The following CERKL variants were observed in gnomAD, a reference collection of about 807,000 sequenced individuals.
CERKL encodes CERK like autophagy regulator, also known as ceramide kinase-like protein.
Under a neutral mutation model 63.4 loss-of-function variants are expected in CERKL, and 61 were observed. The observed-to-expected ratio is 0.96, with a 90% CI of 0.78 to 1.19. The LOEUF (loss-of-function observed/expected upper bound fraction) is 1.19. Ranked by LOEUF, CERKL falls within the 50% of genes most tolerant of loss-of-function variation. CERKL has a pLI of 0.00. For synonymous variants in CERKL, 250 were observed against 230.5 expected, an observed-to-expected ratio of 1.08 and a Z score of -0.77; for missense variants, 675 against 655.5, an observed-to-expected ratio of 1.03 and a Z score of -0.33.
chr2:181,602,058 T>C (rs923352650), intron 2 of CERKL, among the ~76,000 whole-genome samples: 2 of 152,252 alleles, frequency 1.3e-5, no homozygotes, highest in East Asian at 1.9e-4. Flanking sequence ...TGAATAAATA[T>C]TTGGACATTG....
chr2:181,611,138 G>A (rs771461094), intron 1 of CERKL, among the ~76,000 whole-genome samples: 26 of 151,918 alleles, frequency 1.7e-4, no homozygotes, highest in Non-Finnish European at 3.1e-4. Context: ...CAGGAGAATC[G>A]CTTGAACCCA....
At chr2:181,551,459 A>G (rs1687984005) in intron 5 of CERKL, among the ~76,000 whole-genome samples, 1 of 152,136 alleles carries the variant, frequency 6.6e-6, no homozygotes, top group Non-Finnish European at 1.5e-5. Context: ...GAACTTAAAC[A>G]TATTTATAAG....
At chr2:181,630,424 T>C (rs956124515) in intron 1 of CERKL, among the ~76,000 whole-genome samples, 1 of 152,162 alleles carries the variant, frequency 6.6e-6, no homozygotes, top group African/African-American at 2.4e-5. Flanking sequence ...TGACTTGTGT[T>C]CCCCTAAAAT....
intron 1 of CERKL, among the ~76,000 whole-genome samples, chr2:181,635,550 C>T (rs998582159): frequency 1.3e-5 from 2 of 152,074 alleles, no homozygotes; most frequent in Non-Finnish European, 2.9e-5. Context: ...ACTGTCATCC[C>T]TTTACACCTT....
intron 1 of CERKL, among the ~76,000 whole-genome samples, chr2:181,646,244 T>G (rs138233951): frequency 1.3e-5 from 2 of 152,350 alleles, no homozygotes; most frequent in Admixed American, 1.3e-4. Flanking sequence ...GAATCCTGAC[T>G]TAGATAACAT....
In CERKL at chr2:181,587,367, T is replaced by C. The variant is rs554159875; in HGVS notation, c.482-13483A>G. Among the ~76,000 whole-genome samples the C allele has an allele frequency of 2.0e-5, 3 of 152,234 alleles. No homozygotes were observed. In the East Asian group the frequency reaches 5.8e-4, roughly 29 times the overall value. On this transcript the variant is annotated intron_variant, in intron 2 of 12. Transcript: ENST00000410087. ...GCTGCCGGAATAATCACCTCAATAC[T>C]TCAGAATTTAAATGATAAAAGAGCT... is the stretch of plus-strand genomic sequence containing the variant.
intron 12 of CERKL, 25 bp downstream of exon 12, chr2:181,539,067 T>G (rs1687356838): frequency 6.9e-7 from 1 of 1,458,968 alleles, no homozygotes; most frequent in Non-Finnish European, 9.6e-7. Flanking sequence ...TGGTTGACAA[T>G]AAGCGGTGAA....
chr2:181,641,491 C>T (rs904088959), intron 1 of CERKL, among the ~76,000 whole-genome samples: 3 of 151,904 alleles, frequency 2.0e-5, no homozygotes, highest in Admixed American at 2.0e-4. Flanking sequence ...GGCCAGCCCA[C>T]GAAATATGTT....
intron 2 of CERKL, among the ~76,000 whole-genome samples, chr2:181,586,861 T>C (rs1684790270): frequency 6.6e-6 from 1 of 152,170 alleles, no homozygotes; most frequent in Non-Finnish European, 1.5e-5. Flanking sequence ...ATGATGGAAA[T>C]GGCATGGTGT....
chr2:181,646,906 A>G lies in CERKL; in HGVS notation c.238+9863T>C, dbSNP rs566105634. Among the ~76,000 whole-genome samples, 6 of 152,314 alleles carry G rather than the reference A, an allele frequency of 3.9e-5. No homozygotes were observed. The South Asian group carries it at 1.2e-3, about 32-fold the overall frequency. The stretch of plus-strand genomic sequence containing the variant: ...TAATGGAGATGGTCAGAGTAAGCCA[A>G]TTTTTCTAGGAGATTATCAGAGCAA... On this transcript the variant is annotated intron_variant, in intron 1 of 12. Transcript: ENST00000410087.
intron 2 of CERKL, among the ~76,000 whole-genome samples, chr2:181,596,320 A>T (rs543544957): frequency 6.6e-6 from 1 of 152,194 alleles, no homozygotes; most frequent in African/African-American, 2.4e-5. Context: ...GACCAATTAC[A>T]TGTAAAAATA....
chr2:181,547,923 T>C, intron 8 of CERKL, 76 bp from the exon 9 acceptor site: 1 of 1,106,258 alleles, frequency 9.0e-7, no homozygotes. Flanking sequence ...ACAAATCTAT[T>C]AAATATGAGA....
chr2:181,543,983 C>CAA (rs11450338), intron 11 of CERKL, among the ~76,000 whole-genome samples: 4,340 of 118,024 alleles, frequency 0.037, 145 homozygotes, highest in African/African-American at 0.085. Context: ...GGCTCTAACT[C>CAA]AAAAAAAAAA....
intron 2 of CERKL, among the ~76,000 whole-genome samples, chr2:181,592,904 T>C (rs1220998030): frequency 6.6e-6 from 1 of 152,124 alleles, no homozygotes; most frequent in Non-Finnish European, 1.5e-5. Context: ...ATTAGTATAA[T>C]GGCAATCTCT....
At chr2:181,638,640 T>C (rs1204190476) in intron 1 of CERKL, among the ~76,000 whole-genome samples, 1 of 152,184 alleles carries the variant, frequency 6.6e-6, no homozygotes, top group Non-Finnish European at 1.5e-5. Context: ...CCAATGAGTG[T>C]AGTCATTATA....
intron 1 of CERKL, among the ~76,000 whole-genome samples, chr2:181,626,237 C>G (rs1686698033): frequency 6.6e-6 from 1 of 151,844 alleles, no homozygotes; most frequent in African/African-American, 2.4e-5. Context: ...TGATGGATCT[C>G]TGAATGTTCA....
chr2:181,606,004 A>G (rs1486197784), intron 1 of CERKL, among the ~76,000 whole-genome samples: 1 of 151,468 alleles, frequency 6.6e-6, no homozygotes, highest in Non-Finnish European at 1.5e-5. Flanking sequence ...ACATACCACT[A>G]AAAAAAAGAA....
At chr2:181,579,649 G>C (rs919436332) in intron 2 of CERKL, among the ~76,000 whole-genome samples, 3 of 151,784 alleles carry the variant, frequency 2.0e-5, no homozygotes, top group African/African-American at 7.3e-5. Flanking sequence ...TGGCCTCTGG[G>C]CTTTGTATGA....
intron 11 of CERKL, among the ~76,000 whole-genome samples, chr2:181,542,517 A>G (rs1687552443): frequency 1.3e-5 from 2 of 152,210 alleles, no homozygotes; most frequent in South Asian, 4.1e-4. Context: ...AGCCTAAATA[A>G]ACACACCTGT....
Sources: gnomAD v4.1 joint callset for allele counts (sites outside exome capture counted in the v4.1 genomes callset) on GRCh38, gnomAD v4.1.1 for gene constraint, MANE v1.5 for transcripts, NCBI Gene and HGNC (gene_info 2026-07-23, HGNC 2026-07-21) for gene names.